The following ARMH1 variants were observed in gnomAD, a reference collection of about 807,000 sequenced individuals.
The protein encoded by ARMH1 is armadillo-like helical domain containing protein 1.
ARMH1 carries 34 observed loss-of-function variants against 50.2 expected under a neutral mutation model. The observed-to-expected ratio is 0.68, with a 90% CI of 0.51 to 0.90. The LOEUF (loss-of-function observed/expected upper bound fraction) is 0.90, where lower values mean the gene tolerates loss of function less well. Ranked by LOEUF, ARMH1 falls within the 40% of genes least tolerant of loss-of-function variation. The pLI is 0.00. For synonymous variants in ARMH1, 221 were observed against 224.2 expected, an observed-to-expected ratio of 0.99 and a Z score of 0.13; for missense variants, 538 against 553.9, an observed-to-expected ratio of 0.97 and a Z score of 0.29.
intron 6 of ARMH1, among the ~76,000 whole-genome samples, chr1:44,707,247 CTGAGTGAGTGAG>C (rs58030485): frequency 1.4e-4 from 22 of 151,940 alleles, no homozygotes; most frequent in Non-Finnish European, 2.2e-4. Context: ...TGCATGTTTG[CTGAGTGAGTGAG>C]TGAGTGAGTG....
chr1:44,719,823 G>C (rs1161280138), intron 6 of ARMH1, among the ~76,000 whole-genome samples: 1 of 152,212 alleles, frequency 6.6e-6, no homozygotes, highest in African/African-American at 2.4e-5. Flanking sequence ...TGGGTTGTAT[G>C]ATATGAGCAT....
intron 6 of ARMH1, among the ~76,000 whole-genome samples, chr1:44,712,535 C>CAAAA (rs35480137): frequency 3.1e-5 from 2 of 64,820 alleles, no homozygotes; most frequent in Non-Finnish European, 3.3e-5. Context: ...CAGGGAACCG[C>CAAAA]AAAAAAAAAA....
intron 10 of ARMH1, 58 bp from the exon 11 acceptor site, chr1:44,725,078 A>T: frequency 6.5e-7 from 1 of 1,548,804 alleles, no homozygotes; most frequent in Non-Finnish European, 8.7e-7. Context: ...GCCAAGCCCA[A>T]CTCCAAGTCC....
intron 1 of ARMH1, among the ~76,000 whole-genome samples, chr1:44,685,204 G>A (rs990127832): frequency 6.6e-6 from 1 of 152,016 alleles, no homozygotes; most frequent in Non-Finnish European, 1.5e-5. Flanking sequence ...ACTTCAGAAA[G>A]GTTTCAAAAT....
intron 6 of ARMH1, among the ~76,000 whole-genome samples, chr1:44,711,933 C>T (rs1646630743): frequency 6.6e-6 from 1 of 152,176 alleles, no homozygotes; most frequent in African/African-American, 2.4e-5. Flanking sequence ...AGGCACAAAG[C>T]AATTAAATAA....
intron 6 of ARMH1, among the ~76,000 whole-genome samples, chr1:44,713,827 A>G (rs1001119454): frequency 2.6e-5 from 4 of 152,334 alleles, no homozygotes; most frequent in East Asian, 3.9e-4. Flanking sequence ...AGCAGATACC[A>G]GTGGAAGACA....
Position 44,689,824 on chromosome 1 carries a change from A to ACTGCCC in ARMH1, c.131_136dup (p.Ala44_Pro45dup). ...GTTCATTGAAACCAACCAAGGCAAG[A>ACTGCCC]CTGCCCCTGAACTGGAGCAGGAGTT... On this transcript the variant is annotated inframe_insertion, in exon 2 of 12. Coordinates refer to ENST00000535358, the MANE Select transcript of ARMH1 (RefSeq NM_001145636.2). 5 of 1,551,572 alleles carry ACTGCCC rather than the reference A, an allele frequency of 3.2e-6. No homozygotes were observed. The highest frequency in any genetic ancestry group is 4.4e-6 in the Non-Finnish European group (5 of 1,146,986).
chr1:44,684,017 G>GA (rs1645390469), intron 1 of ARMH1, among the ~76,000 whole-genome samples: 1 of 151,802 alleles, frequency 6.6e-6, no homozygotes, highest in African/African-American at 2.4e-5. Flanking sequence ...GAGAGAGAGA[G>GA]AGAGTGTGTG....
chr1:44,686,396 C>T (rs528715109), intron 1 of ARMH1, among the ~76,000 whole-genome samples: 3 of 152,338 alleles, frequency 2.0e-5, no homozygotes, highest in South Asian at 4.1e-4. Context: ...TGTTAACCTG[C>T]CGGGCACAGT....
At chr1:44,693,167 C>T (rs1645714548) in intron 2 of ARMH1, 1 of 152,242 alleles carries the variant, frequency 6.6e-6, no homozygotes, top group African/African-American at 2.4e-5. Flanking sequence ...TTATTTCTAA[C>T]AAGTACTCTG....
intron 2 of ARMH1, among the ~76,000 whole-genome samples, chr1:44,693,941 C>T (rs1645741708): frequency 1.3e-5 from 2 of 152,146 alleles, no homozygotes; most frequent in South Asian, 2.1e-4. Context: ...TACCTTTTCC[C>T]GCTGTTTCTC....
intron 1 of ARMH1, chr1:44,684,710 C>G (rs1645412183): frequency 6.6e-6 from 1 of 152,226 alleles, no homozygotes; most frequent in African/African-American, 2.4e-5. Flanking sequence ...GAGCACTTGC[C>G]TGCACTCCAG....
intron 6 of ARMH1, among the ~76,000 whole-genome samples, chr1:44,719,953 G>C (rs1647017747): frequency 6.6e-6 from 1 of 152,064 alleles, no homozygotes; most frequent in African/African-American, 2.4e-5. Flanking sequence ...CCAACACTTT[G>C]GGAGGCCAAG....
intron 1 of ARMH1, among the ~76,000 whole-genome samples, chr1:44,677,992 G>T (rs2148559033): frequency 6.6e-6 from 1 of 152,296 alleles, no homozygotes; most frequent in East Asian, 1.9e-4. Flanking sequence ...CAGAAGGGGA[G>T]CCCTGGGGTA....
intron 1 of ARMH1, chr1:44,684,483 AT>A (rs1208910740): frequency 2.6e-5 from 4 of 152,370 alleles, no homozygotes; most frequent in African/African-American, 9.6e-5. Flanking sequence ...TTCAACAAAT[AT>A]TTGGAAGGCA....
intron 1 of ARMH1, chr1:44,684,559 G>T (rs1416148709): frequency 6.6e-6 from 1 of 152,172 alleles, no homozygotes; most frequent in Non-Finnish European, 1.5e-5. Flanking sequence ...TGCCAACAAG[G>T]GGAGCTTACC....
intron 1 of ARMH1, among the ~76,000 whole-genome samples, chr1:44,688,552 C>T (rs1293755155): frequency 6.6e-6 from 1 of 152,182 alleles, no homozygotes; most frequent in Non-Finnish European, 1.5e-5. Context: ...AAATACACAT[C>T]TCTCCTACAC....
chr1:44,696,044 T>C (rs1269579068), intron 2 of ARMH1, among the ~76,000 whole-genome samples: 1 of 151,356 alleles, frequency 6.6e-6, no homozygotes, highest in Non-Finnish European at 1.5e-5. Flanking sequence ...GAGAATGCAC[T>C]GAGGAAGGAA....
At chr1:44,707,591 A>G (rs2148697713) in intron 6 of ARMH1, among the ~76,000 whole-genome samples, 1 of 152,086 alleles carries the variant, frequency 6.6e-6, no homozygotes, top group East Asian at 1.9e-4. Context: ...CACCATGCCC[A>G]GTTAATTCTT....
Sources: gnomAD v4.1 joint callset for allele counts (sites outside exome capture counted in the v4.1 genomes callset) on GRCh38, gnomAD v4.1.1 for gene constraint, MANE v1.5 for transcripts, NCBI Gene and HGNC (gene_info 2026-07-23, HGNC 2026-07-21) for gene names.